The following CNTNAP2 variants were observed in gnomAD, a reference collection of about 807,000 sequenced individuals.
The protein encoded by CNTNAP2 is contactin associated protein 2.
Under a neutral mutation model 155.2 loss-of-function variants are expected in CNTNAP2, and 98 were observed. The ratio of observed to expected loss-of-function variants is 0.63; its 90% CI spans 0.54 to 0.75. CNTNAP2 has a LOEUF of 0.75. Among genes scored for constraint, CNTNAP2 ranks in the 30% least tolerant of loss-of-function variants. The pLI is 0.00. For missense variants in CNTNAP2, 1,727 were observed against 1,688.1 expected, an observed-to-expected ratio of 1.02 and a Z score of -0.40; for synonymous variants, 651 against 631.2, an observed-to-expected ratio of 1.03 and a Z score of -0.47.
chr7:147,463,328 T>C (rs1798057789), intron 10 of CNTNAP2, among the ~76,000 whole-genome samples: 1 of 152,232 alleles, frequency 6.6e-6, no homozygotes, highest in African/African-American at 2.4e-5. Flanking sequence ...ACCTTGAACT[T>C]TTTTGATTCT....
intron 4 of CNTNAP2, among the ~76,000 whole-genome samples, chr7:147,098,859 C>T (rs1179740118): frequency 2.0e-5 from 3 of 152,142 alleles, no homozygotes; most frequent in Admixed American, 2.0e-4. Context: ...TTTGTATAAA[C>T]TGCTTGTCTT....
intron 12 of CNTNAP2, among the ~76,000 whole-genome samples, chr7:147,571,834 A>T (rs1309223684): frequency 6.6e-6 from 1 of 151,936 alleles, no homozygotes; most frequent in Non-Finnish European, 1.5e-5. Context: ...TTTCTTTCTC[A>T]TCAAAGCCAT....
chr7:147,999,409 C>T (rs1801860991), intron 15 of CNTNAP2, among the ~76,000 whole-genome samples: 1 of 152,114 alleles, frequency 6.6e-6, no homozygotes, highest in South Asian at 2.1e-4. Context: ...CTTTTAAAAG[C>T]TACTCATTTT....
chr7:147,817,411 G>C (rs1798283729), intron 13 of CNTNAP2, among the ~76,000 whole-genome samples: 1 of 152,042 alleles, frequency 6.6e-6, no homozygotes, highest in African/African-American at 2.4e-5. Context: ...TTTTAGAGAT[G>C]GATACTGAAG....
rs1796812717 is a variant in CNTNAP2, at chr7:147,734,856, G to A, written c.2098+95550G>A. Among the ~76,000 whole-genome samples the A allele has an allele frequency of 2.0e-5, 3 of 152,094 alleles. No homozygotes were observed. The South Asian group carries it at 6.2e-4, about 32-fold the overall frequency. ...TAGTTTGTATTTCTGTGGGATCAGTGGTGATATCCCCTTTATCATTTTTTA... is the reference window on the plus strand; with the variant it reads ...TAGTTTGTATTTCTGTGGGATCAGTAGTGATATCCCCTTTATCATTTTTTA... On this transcript the variant is annotated intron_variant, in intron 13 of 23. Coordinates refer to ENST00000361727, the MANE Select transcript of CNTNAP2 (RefSeq NM_014141.6).
At chr7:147,422,392 A>G (rs1358052323) in intron 10 of CNTNAP2, among the ~76,000 whole-genome samples, 2 of 151,642 alleles carry the variant, frequency 1.3e-5, no homozygotes, top group African/African-American at 4.8e-5. Context: ...GTATGTATAT[A>G]TACATACTAT....
intron 15 of CNTNAP2, among the ~76,000 whole-genome samples, chr7:148,002,909 C>T (rs1178922682): frequency 6.6e-6 from 1 of 152,240 alleles, no homozygotes; most frequent in Non-Finnish European, 1.5e-5. Flanking sequence ...AGTACATAAA[C>T]ATTTAAGTTC....
intron 1 of CNTNAP2, among the ~76,000 whole-genome samples, chr7:146,504,554 C>A (rs2129133922): frequency 6.6e-6 from 1 of 152,304 alleles, no homozygotes; most frequent in East Asian, 1.9e-4. Context: ...AGGAGGACAA[C>A]TTGGGTGTAA....
chr7:146,857,743 T>C (rs1288657792), intron 3 of CNTNAP2, among the ~76,000 whole-genome samples: 3 of 152,134 alleles, frequency 2.0e-5, no homozygotes, highest in African/African-American at 7.2e-5. Context: ...AATCTATCAA[T>C]AGACAGTGTT....
At position 147,898,564 on chromosome 7, in the gene CNTNAP2, G is replaced by A. The variant is rs114380187; in HGVS notation, c.2099-5001G>A. ...TTTGAGACAGAGTCTCACTCTATCA[G>A]GTTGGAGTGCAATGGCGTAATCTTG... is the stretch of plus-strand genomic sequence containing the variant. On this transcript the variant is annotated intron_variant, in intron 13 of 23. Coordinates refer to ENST00000361727, the MANE Select transcript of CNTNAP2 (RefSeq NM_014141.6). 8.0e-3 allele frequency among the ~76,000 whole-genome samples: 1,215 copies of A among 151,766 alleles called. 18 individuals are homozygous for A. The highest frequency in any genetic ancestry group is 0.028 in the African/African-American group (1,150 of 41,328).
At chr7:148,075,481 G>T (rs1274442145) in intron 15 of CNTNAP2, among the ~76,000 whole-genome samples, 1 of 151,834 alleles carries the variant, frequency 6.6e-6, no homozygotes, top group South Asian at 2.1e-4. Flanking sequence ...TGAAATACAT[G>T]ATTTCCAGTG....
intron 1 of CNTNAP2, among the ~76,000 whole-genome samples, chr7:146,377,168 A>G (rs1049332213): frequency 3.9e-5 from 6 of 152,142 alleles, no homozygotes; most frequent in African/African-American, 1.4e-4. Context: ...TGGCTTCCTC[A>G]CTTCAGCTGC....
chr7:147,439,224 T>C (rs1379075349), intron 10 of CNTNAP2, among the ~76,000 whole-genome samples: 2 of 152,028 alleles, frequency 1.3e-5, no homozygotes, highest in African/African-American at 2.4e-5. Flanking sequence ...TAGGCACTTA[T>C]AGCTATGAAC....
intron 4 of CNTNAP2, among the ~76,000 whole-genome samples, chr7:147,095,846 G>A (rs1241414473): frequency 6.6e-6 from 1 of 152,094 alleles, no homozygotes; most frequent in Non-Finnish European, 1.5e-5. Context: ...TATCTCAAAT[G>A]TGGAGGTTCT....
intron 1 of CNTNAP2, among the ~76,000 whole-genome samples, chr7:146,182,112 A>G: frequency 6.6e-6 from 1 of 152,262 alleles, no homozygotes; most frequent in Non-Finnish European, 1.5e-5. Flanking sequence ...ATTTAATAAA[A>G]AAGAAAAAGA....
chr7:147,366,221 T>C (rs1357896), intron 9 of CNTNAP2, among the ~76,000 whole-genome samples: 35,140 of 152,064 alleles, frequency 0.23, 4,413 homozygotes, highest in Non-Finnish European at 0.28. Flanking sequence ...ATAAAGTTCA[T>C]AGGATTCTCA....
chr7:148,339,335 A>T (rs1174877007), intron 21 of CNTNAP2: 1 of 151,736 alleles, frequency 6.6e-6, no homozygotes, highest in East Asian at 1.9e-4. Context: ...TACGTTTTTT[A>T]AAACTCCAGT....
chr7:147,952,310 T>C (rs79028592), intron 14 of CNTNAP2, among the ~76,000 whole-genome samples: 64,712 of 82,642 alleles, frequency 0.78, 26,411 homozygotes, highest in Middle Eastern at 0.89. Context: ...GGTGTGGTGG[T>C]GGATGCCTGT....
intron 1 of CNTNAP2, among the ~76,000 whole-genome samples, chr7:146,603,399 G>C (rs1260986249): frequency 2.7e-5 from 4 of 149,788 alleles, no homozygotes; most frequent in Admixed American, 6.6e-5. Flanking sequence ...GGGACAGAGT[G>C]AGACTCTGTC....
Sources: gnomAD v4.1 joint callset for allele counts (sites outside exome capture counted in the v4.1 genomes callset) on GRCh38, gnomAD v4.1.1 for gene constraint, MANE v1.5 for transcripts, NCBI Gene and HGNC (gene_info 2026-07-23, HGNC 2026-07-21) for gene names.